ITPR1: variants seen among roughly 807,000 people sequenced by gnomAD.
The protein encoded by ITPR1 is inositol 1,4,5-trisphosphate receptor type 1.
In ITPR1, 96 loss-of-function variants were observed where a neutral mutation model predicts 318.4. The ratio of observed to expected loss-of-function variants is 0.30; its 90% confidence interval spans 0.26 to 0.36. The LOEUF is 0.36. ITPR1 is among the 10% of genes least tolerant of loss of function. The pLI, the probability that ITPR1 is intolerant of heterozygous loss-of-function variation, is 1.00. For missense variants in ITPR1, 2,440 were observed against 3,460.2 expected, an observed-to-expected ratio of 0.71 and a Z score of 7.40; for synonymous variants, 1,312 against 1,289.9, an observed-to-expected ratio of 1.02 and a Z score of -0.37.
At chr3:4,654,862 A>C (rs963937059) in intron 12 of ITPR1, among the ~76,000 whole-genome samples, 1 of 152,024 alleles carries the variant, frequency 6.6e-6, no homozygotes. Flanking sequence ...TTTGAAAGAC[A>C]CTCTGACTGA....
rs147975226 is a variant in ITPR1 at position 4,835,333 on chromosome 3, G to A, written c.8029-1441G>A. ...TTTAAATATATTGATGCCTTCTATTGTATACAGCAGAGGTGAGCAAACCCA... is the reference window on the plus strand; with the variant it reads ...TTTAAATATATTGATGCCTTCTATTATATACAGCAGAGGTGAGCAAACCCA... On this transcript the variant is annotated intron_variant, in intron 60 of 61. Transcript: ENST00000649015. Among the ~76,000 whole-genome samples the A allele has an allele frequency of 9.8e-4, 149 of 152,174 alleles. 4 individuals carry two copies. The highest frequency in any genetic ancestry group is 4.7e-4 in the Non-Finnish European group (32 of 68,012).
At chr3:4,683,834 G>T in intron 28 of ITPR1, 36 bp downstream of exon 28, 1 of 1,590,722 alleles carries the variant, frequency 6.3e-7, no homozygotes, top group Non-Finnish European at 8.6e-7. Context: ...CAAAGTGGAT[G>T]GATGGGCTTC....
At chr3:4,621,491 A>T (rs577353817) in intron 4 of ITPR1, among the ~76,000 whole-genome samples, 2 of 152,202 alleles carry the variant, frequency 1.3e-5, no homozygotes, top group African/African-American at 4.8e-5. Context: ...ACTGGGGATT[A>T]CAATTCAACA....
At chr3:4,633,593 A>G (rs970277111) in intron 5 of ITPR1, among the ~76,000 whole-genome samples, 2 of 152,182 alleles carry the variant, frequency 1.3e-5, no homozygotes, top group African/African-American at 4.8e-5. Flanking sequence ...TAGTGGCTGG[A>G]TACTGTCTAT....
At position 4,661,160 on chromosome 3, in the gene ITPR1, C is replaced by G. The variant is rs2093824360; in HGVS notation, c.1251+73C>G. 3.4e-5 allele frequency: 29 copies of G among 843,642 alleles called. 1 individual carries two copies. The South Asian group carries it at 4.3e-4, about 12-fold the overall frequency. 52.3% of individuals were successfully genotyped at this position (843,642 alleles called of 1,614,324 possible). A position where few individuals can be genotyped will look rare whatever the true frequency, so the allele number is the denominator to read the frequency against. ...TGAAAGGGCTCCTTTGAGGACAGAT[C>G]AGGGAGTATGGAGCGTGGAGATTTG... On this transcript the variant is annotated intron_variant, in intron 14 of 61. Transcript: ENST00000649015.
intron 40 of ITPR1, among the ~76,000 whole-genome samples, chr3:4,720,003 C>T (rs1376069003): frequency 6.6e-6 from 1 of 152,182 alleles, no homozygotes; most frequent in African/African-American, 2.4e-5. Flanking sequence ...CACATGTGTA[C>T]ACCTGTGTAG....
intron 4 of ITPR1, among the ~76,000 whole-genome samples, chr3:4,563,363 G>T (rs889037537): frequency 2.0e-5 from 3 of 152,054 alleles, no homozygotes; most frequent in African/African-American, 7.2e-5. Context: ...AAAAAAATTA[G>T]CTGGGCATGG....
intron 35 of ITPR1, among the ~76,000 whole-genome samples, chr3:4,701,043 G>T (rs144173098): frequency 3.3e-5 from 5 of 152,320 alleles, no homozygotes; most frequent in African/African-American, 1.2e-4. Context: ...ATGAAGTTTG[G>T]ATAGGGACAC....
chr3:4,747,732 T>A (rs2044209977), intron 44 of ITPR1, among the ~76,000 whole-genome samples: 1 of 152,226 alleles, frequency 6.6e-6, no homozygotes, highest in African/African-American at 2.4e-5. Context: ...AAGTTCCAGG[T>A]TCCCAGGTCT....
chr3:4,793,059 A>G (rs1460790286), intron 52 of ITPR1, among the ~76,000 whole-genome samples: 1 of 152,214 alleles, frequency 6.6e-6, no homozygotes, highest in African/African-American at 2.4e-5. Context: ...GCCACAGGAA[A>G]TAAAAGACAT....
intron 2 of ITPR1, among the ~76,000 whole-genome samples, chr3:4,498,060 T>C (rs1359897197): frequency 6.6e-6 from 1 of 150,482 alleles, no homozygotes; most frequent in Non-Finnish European, 1.5e-5. Flanking sequence ...GAAGGGGGAG[T>C]TAGTGTTTAT....
intron 43 of ITPR1, 64 bp downstream of exon 43, chr3:4,733,284 T>G (rs2043055152): frequency 1.3e-6 from 2 of 1,576,128 alleles, no homozygotes; most frequent in Non-Finnish European, 8.7e-7. Flanking sequence ...AGCTGCATGT[T>G]TCCTCCTAAC....
In ITPR1 at chr3:4,826,751, G is replaced by A. The variant is rs546910579; in HGVS notation, c.8028+8509G>A. 2.6e-5 allele frequency among the ~76,000 whole-genome samples: 4 copies of A among 152,314 alleles called. No individual in the cohort carries two copies. Among genetic ancestry groups the A allele is most frequent in the East Asian group, 1.9e-4 (1 of 5,178 alleles). On this transcript the variant is annotated intron_variant, in intron 60 of 61. Transcript: ENST00000649015. The surrounding 1 kb of genome is among the most constrained non-coding windows in gnomAD (Gnocchi z 4.2). ...TTCCTTTCATTGTGAGGCACTTGGC[G>A]TTTGGGCCCCGGTTCTGCACTGACC... is the stretch of plus-strand genomic sequence containing the variant.
intron 10 of ITPR1, among the ~76,000 whole-genome samples, chr3:4,651,495 T>G (rs1362088497): frequency 6.6e-6 from 1 of 152,226 alleles, no homozygotes; most frequent in African/African-American, 2.4e-5. Context: ...TTTGTTTCCC[T>G]ATTCTCAGAG....
chr3:4,601,042 G>A (rs1482564956), intron 4 of ITPR1, among the ~76,000 whole-genome samples: 1 of 152,116 alleles, frequency 6.6e-6, no homozygotes, highest in African/African-American at 2.4e-5. Flanking sequence ...TCTTTTGTTA[G>A]TGGTGGTGGG....
intron 31 of ITPR1, among the ~76,000 whole-genome samples, chr3:4,690,386 G>A (rs1197174122): frequency 6.6e-6 from 1 of 152,178 alleles, no homozygotes; most frequent in African/African-American, 2.4e-5. Context: ...AACATGATTA[G>A]ACATCAGAGA....
At chr3:4,700,076 G>C (rs773224513) in intron 35 of ITPR1, 135 bp downstream of exon 35, 41 of 722,706 alleles carry the variant, frequency 5.7e-5, no homozygotes, top group Non-Finnish European at 8.5e-5. Flanking sequence ...TCTCTTGGTG[G>C]AAGATAGCTT....
At chr3:4,751,214 A>G (rs1028197171) in intron 44 of ITPR1, 2 of 152,590 alleles carry the variant, frequency 1.3e-5, no homozygotes, top group African/African-American at 4.8e-5. Flanking sequence ...GGTTTACCCC[A>G]CAATCATAAT....
chr3:4,638,677 C>T (rs1267035432), intron 5 of ITPR1, among the ~76,000 whole-genome samples: 1 of 152,182 alleles, frequency 6.6e-6, no homozygotes. Context: ...TAACAAATCC[C>T]TTTCCTACCC....
Sources: allele counts gnomAD v4.1 joint callset (sites outside exome capture counted in the v4.1 genomes callset), GRCh38; gene constraint gnomAD v4.1.1; non-coding constraint Gnocchi (gnomAD v3.1); transcripts MANE v1.5; gene names NCBI Gene and HGNC (gene_info 2026-07-23, HGNC 2026-07-21).